SUPT3H: variants seen among roughly 807,000 people sequenced by gnomAD.
The protein encoded by SUPT3H is SPT3 homolog, SAGA and STAGA complex component, also known as transcription initiation protein SPT3 homolog.
In SUPT3H, 44 loss-of-function variants were observed where a neutral mutation model predicts 44.3. The ratio of observed to expected loss-of-function variants is 0.99; its 90% confidence interval spans 0.78 to 1.28. The LOEUF (loss-of-function observed/expected upper bound fraction) is 1.28. SUPT3H is among the 50% of genes most tolerant of loss of function. The probability of loss-of-function intolerance (pLI) is 0.00; values close to 1 mark genes in which losing one functional copy is unlikely to be tolerated. For missense variants in SUPT3H, 380 were observed against 387.1 expected (o/e 0.98, Z 0.15); for synonymous variants, 124 against 125.6 (o/e 0.99, Z 0.09).
intron 9 of SUPT3H, among the ~76,000 whole-genome samples, chr6:44,933,983 G>T (rs527413233): frequency 2.0e-5 from 3 of 152,136 alleles, no homozygotes; most frequent in African/African-American, 7.2e-5. Context: ...TTTTTGAAAT[G>T]GAAGCTCATT....
intron 10 of SUPT3H, among the ~76,000 whole-genome samples, chr6:44,860,906 C>A (rs1245747378): frequency 7.2e-5 from 11 of 151,970 alleles, no homozygotes; most frequent in Non-Finnish European, 1.3e-4. Context: ...ACCTATTGCA[C>A]CTGCATAAGA....
intron 2 of SUPT3H, among the ~76,000 whole-genome samples, chr6:45,242,982 G>A (rs925374404): frequency 6.6e-6 from 1 of 151,946 alleles, no homozygotes; most frequent in Non-Finnish European, 1.5e-5. Flanking sequence ...ATTACTTGAG[G>A]TCAGGATTTA....
At chr6:44,956,491 A>T (rs1297598069) in intron 7 of SUPT3H, among the ~76,000 whole-genome samples, 10 of 6,234 alleles carry the variant, frequency 1.6e-3, no homozygotes, top group Non-Finnish European at 2.9e-3. Context: ...AAATAAAAAA[A>T]AAAAATAAAA....
chr6:45,007,405 C>T (rs924091172), intron 5 of SUPT3H, among the ~76,000 whole-genome samples: 10 of 151,986 alleles, frequency 6.6e-5, no homozygotes, highest in Admixed American at 2.0e-4. Flanking sequence ...TTAACTCCTC[C>T]GAATTTATCC....
chr6:45,047,018 T>C (rs1789506770), intron 3 of SUPT3H, among the ~76,000 whole-genome samples: 1 of 152,244 alleles, frequency 6.6e-6, no homozygotes, highest in South Asian at 2.1e-4. Context: ...TATATAAAAA[T>C]ACAATTACAA....
intron 2 of SUPT3H, among the ~76,000 whole-genome samples, chr6:45,162,341 T>C (rs1383256013): frequency 6.6e-6 from 1 of 151,814 alleles, no homozygotes; most frequent in African/African-American, 2.4e-5. Context: ...CTGGGCAACA[T>C]AGCAAGATCC....
chr6:45,253,746 C>T (rs1729387933), intron 2 of SUPT3H, among the ~76,000 whole-genome samples: 1 of 151,464 alleles, frequency 6.6e-6, no homozygotes, highest in Non-Finnish European at 1.5e-5. Context: ...TGAGCTATGA[C>T]TGTGCTACTA....
chr6:45,065,034 T>C (rs1003287256), intron 3 of SUPT3H, among the ~76,000 whole-genome samples: 6 of 150,844 alleles, frequency 4.0e-5, no homozygotes, highest in African/African-American at 1.2e-4. Flanking sequence ...ACCACACCTA[T>C]TCCAAAATTG....
intron 7 of SUPT3H, among the ~76,000 whole-genome samples, chr6:44,960,784 G>C (rs1282056336): frequency 6.6e-6 from 1 of 151,806 alleles, no homozygotes; most frequent in Non-Finnish European, 1.5e-5. Flanking sequence ...CAAGTTGTTA[G>C]TCAAATTGGA....
At chr6:45,134,494 G>A (rs4295474) in intron 2 of SUPT3H, among the ~76,000 whole-genome samples, 1 of 152,026 alleles carries the variant, frequency 6.6e-6, no homozygotes, top group African/African-American at 2.4e-5. Flanking sequence ...ACTCATTCCA[G>A]CAGCAACTCA....
chr6:45,309,217 T>A (rs1335718985), intron 2 of SUPT3H, among the ~76,000 whole-genome samples: 1 of 143,732 alleles, frequency 7.0e-6, no homozygotes, highest in Non-Finnish European at 1.5e-5. Context: ...GAAATGAAGA[T>A]AAACTGCCTG....
At chr6:45,272,703 G>T (rs1339329597) in intron 2 of SUPT3H, among the ~76,000 whole-genome samples, 3 of 152,176 alleles carry the variant, frequency 2.0e-5, no homozygotes, top group African/African-American at 4.8e-5. Context: ...AGGAAAGACA[G>T]GAGTACCGTC....
In SUPT3H at chr6:44,888,850, T is replaced by A. The variant is rs542601001; in HGVS notation, c.912+43803A>T. Among the ~76,000 whole-genome samples, 47 of 150,252 alleles carry A rather than the reference T, an allele frequency of 3.1e-4. 1 individual carries two copies. In the East Asian group the frequency reaches 9.2e-3, roughly 29 times the overall value. On this transcript the variant is annotated intron_variant, in intron 10 of 10. Transcript: ENST00000371459. ...TGTCCCTGTTTGCAGATGACATGAT[T>A]GTATATCTAGAAAACCCCATCGTCT...
intron 6 of SUPT3H, among the ~76,000 whole-genome samples, chr6:44,981,696 C>T: frequency 6.6e-6 from 1 of 152,074 alleles, no homozygotes; most frequent in Admixed American, 6.5e-5. Context: ...TGCTTCATCT[C>T]ACTGTGACTG....
chr6:45,231,136 G>A (rs1287980960), intron 2 of SUPT3H, among the ~76,000 whole-genome samples: 4 of 152,076 alleles, frequency 2.6e-5, no homozygotes, highest in Non-Finnish European at 4.4e-5. Context: ...TTTCTGTGGT[G>A]ATACCATTTG....
chr6:45,143,911 T>C (rs1805626370), intron 2 of SUPT3H, among the ~76,000 whole-genome samples: 1 of 152,126 alleles, frequency 6.6e-6, no homozygotes, highest in African/African-American at 2.4e-5. Context: ...AAGGTTACTA[T>C]GAACACCTTT....
intron 10 of SUPT3H, among the ~76,000 whole-genome samples, chr6:44,914,617 T>C (rs1045913913): frequency 6.6e-6 from 1 of 152,194 alleles, no homozygotes; most frequent in African/African-American, 2.4e-5. Flanking sequence ...TCATAGGTAA[T>C]GAAGTGTACA....
chr6:44,895,527 G>A (rs1764000997), intron 10 of SUPT3H, among the ~76,000 whole-genome samples: 1 of 152,172 alleles, frequency 6.6e-6, no homozygotes, highest in South Asian at 2.1e-4. Flanking sequence ...TTGAGAGACA[G>A]TCTCTGAGAA....
At chr6:45,073,889 G>C (rs909043030) in intron 3 of SUPT3H, among the ~76,000 whole-genome samples, 1 of 151,926 alleles carries the variant, frequency 6.6e-6, no homozygotes, top group Non-Finnish European at 1.5e-5. Flanking sequence ...AGAATTAATT[G>C]ATTCTTGAGT....
Sources: allele counts gnomAD v4.1 joint callset (sites outside exome capture counted in the v4.1 genomes callset), GRCh38; gene constraint gnomAD v4.1.1; transcripts MANE v1.5; gene names NCBI Gene and HGNC (gene_info 2026-07-23, HGNC 2026-07-21).